The following ZNF846 variants were observed in gnomAD, a reference collection of about 807,000 sequenced individuals.
The protein encoded by ZNF846 is zinc finger protein 420 pseudogene.
Under a neutral mutation model 16.0 loss-of-function variants are expected in ZNF846, and 15 were observed. The observed-to-expected ratio is 0.94, with a 90% CI of 0.63 to 1.45. The LOEUF is 1.45. Among genes scored for constraint, ZNF846 ranks in the 40% most tolerant of loss-of-function variants. The pLI is 0.00. For missense variants in ZNF846, 714 were observed against 622.3 expected (o/e 1.15, Z -1.57); for synonymous variants, 229 against 212.0 (o/e 1.08, Z -0.70).
intron 1 of ZNF846, among the ~76,000 whole-genome samples, chr19:9,783,999 GGC>G (rs1268826256): frequency 2.0e-5 from 3 of 152,130 alleles, no homozygotes; most frequent in African/African-American, 7.2e-5. Flanking sequence ...CATCGCGCCT[GGC>G]CAGATAATGG....
chr19:9,752,360 C>A (rs1004939601), exon 6 of ZNF846: 2 of 278,834 alleles, frequency 7.2e-6, no homozygotes, highest in Non-Finnish European at 1.5e-5. Context: ...ATAATCCCAG[C>A]ACTTTGGGAG....
intron 1 of ZNF846, among the ~76,000 whole-genome samples, chr19:9,785,552 C>A (rs1261122283): frequency 3.8e-5 from 5 of 130,716 alleles, no homozygotes; most frequent in African/African-American, 1.4e-4. Context: ...ACGGAGTCCC[C>A]GCCCCTGTCT....
At chr19:9,762,314 C>T in intron 3 of ZNF846, 146 bp from the exon 4 acceptor site, 1 of 635,516 alleles carries the variant, frequency 1.6e-6, no homozygotes, top group Non-Finnish European at 2.8e-6. Context: ...ATAACATTTC[C>T]AATACATGCA....
downstream of ZNF846, among the ~76,000 whole-genome samples, chr19:9,749,546 CTTTTTTTTT>C (rs60331343): frequency 8.0e-6 from 1 of 125,562 alleles, no homozygotes; most frequent in African/African-American, 3.1e-5. Context: ...ATAAGTCTTT[CTTTTTTTTT>C]TTTTTTTTTT....
At chr19:9,765,971 A>G (rs916185950) in intron 1 of ZNF846, among the ~76,000 whole-genome samples, 8 of 152,148 alleles carry the variant, frequency 5.3e-5, no homozygotes, top group Non-Finnish European at 1.2e-4. Context: ...AACAAAGAAT[A>G]AAAGAAAAAA....
chr19:9,756,345 GTATATATATATATATATATATATATATA>G (rs369347660), downstream of ZNF846: 2 of 81,776 alleles, frequency 2.4e-5, no homozygotes, highest in Non-Finnish European at 4.4e-5. Context: ...GTGTGTGTGT[GTATATATATATATATATATATATATATA>G]TATATATATA....
At chr19:9,781,540 C>A (rs1047843075) in intron 1 of ZNF846, among the ~76,000 whole-genome samples, 2 of 152,088 alleles carry the variant, frequency 1.3e-5, no homozygotes, top group African/African-American at 4.8e-5. Flanking sequence ...ATCTTTCATG[C>A]TGTCTGATGA....
chr19:9,781,490 T>C (rs1038272356), intron 1 of ZNF846, among the ~76,000 whole-genome samples: 8 of 152,088 alleles, frequency 5.3e-5, no homozygotes, highest in African/African-American at 1.4e-4. Flanking sequence ...AATTCCTTTA[T>C]TATAAGTCTT....
intron 3 of ZNF846, 78 bp downstream of exon 3, chr19:9,763,204 G>T: frequency 1.5e-6 from 2 of 1,353,844 alleles, no homozygotes; most frequent in Non-Finnish European, 2.0e-6. Context: ...GCTTATTACA[G>T]TACCCTCATT....
At chr19:9,756,345 G>GTGTGTATATATGTA (rs1321690890), downstream of ZNF846, 1 of 81,772 alleles carries the variant, frequency 1.2e-5, no homozygotes, top group South Asian at 4.7e-4. Flanking sequence ...GTGTGTGTGT[G>GTGTGTATATATGTA]TATATATATA....
chr19:9,751,059 G>C (rs1425185598), downstream of ZNF846, among the ~76,000 whole-genome samples: 1 of 152,142 alleles, frequency 6.6e-6, no homozygotes, highest in Non-Finnish European at 1.5e-5. Flanking sequence ...CTCTAACTGG[G>C]TATCCTGGCT....
At chr19:9,776,415 T>C (rs1341594186) in intron 1 of ZNF846, among the ~76,000 whole-genome samples, 2 of 152,158 alleles carry the variant, frequency 1.3e-5, no homozygotes, top group Non-Finnish European at 2.9e-5. Flanking sequence ...GTACTAAAAG[T>C]CTCTGATATG....
chr19:9,752,038 C>A (rs890084476), downstream of ZNF846: 1 of 152,146 alleles, frequency 6.6e-6, no homozygotes, highest in Admixed American at 6.6e-5. Context: ...CTTCGGAGGC[C>A]GAGGTGGGTG....
intron 1 of ZNF846, chr19:9,775,019 C>CTCTGTGG: frequency 6.8e-7 from 1 of 1,474,126 alleles, no homozygotes. Context: ...TGCATTCAGA[C>CTCTGTGG]ACCCGGCAAA....
downstream of ZNF846, among the ~76,000 whole-genome samples, chr19:9,754,564 T>TAAAAAAAAA (rs545236944): frequency 2.5e-4 from 22 of 88,680 alleles, no homozygotes; most frequent in African/African-American, 8.8e-4. Flanking sequence ...GACTCTGTCT[T>TAAAAAAAAA]AAAAAAAAAA....
chr19:9,771,024 T>A (rs2045385638), upstream of ZNF846, among the ~76,000 whole-genome samples: 3 of 152,114 alleles, frequency 2.0e-5, no homozygotes. Context: ...CATGGATAAG[T>A]TCTTTAGTGG....
intron 4 of ZNF846, among the ~76,000 whole-genome samples, chr19:9,760,229 G>A (rs967131413): frequency 2.6e-5 from 4 of 151,042 alleles, no homozygotes; most frequent in African/African-American, 4.9e-5. Context: ...GAGGGTGGAG[G>A]TTGCGGTGAG....
chr19:9,778,346 T>G (rs2045467812), intron 1 of ZNF846, among the ~76,000 whole-genome samples: 1 of 152,202 alleles, frequency 6.6e-6, no homozygotes, highest in Non-Finnish European at 1.5e-5. Context: ...ATCCCAGACC[T>G]CTCCATGGAT....
At chr19:9,750,643 A>T (rs765806467), downstream of ZNF846, among the ~76,000 whole-genome samples, 4 of 152,196 alleles carry the variant, frequency 2.6e-5, no homozygotes, top group Non-Finnish European at 5.9e-5. Flanking sequence ...CCCTCATGAC[A>T]CCAACATGAC....
Sources: gnomAD v4.1 joint callset for allele counts (sites outside exome capture counted in the v4.1 genomes callset) on GRCh38, gnomAD v4.1.1 for gene constraint, MANE v1.5 for transcripts, NCBI Gene and HGNC (gene_info 2026-07-23, HGNC 2026-07-21) for gene names.